NREP: variants seen among roughly 807,000 people sequenced by gnomAD.
The protein encoded by NREP is neuronal regeneration related protein, also known as neuronal regeneration-related protein.
A neutral mutation model predicts 8.6 loss-of-function variants in NREP; 5 were observed. The ratio of observed to expected loss-of-function variants is 0.58; its 90% CI spans 0.30 to 1.22. The LOEUF (loss-of-function observed/expected upper bound fraction) is 1.22, where lower values mean the gene tolerates loss of function less well. Ranked by LOEUF, NREP falls within the 50% of genes most tolerant of loss-of-function variation. NREP has a pLI of 0.07. For synonymous variants in NREP, 27 were observed against 28.0 expected, an observed-to-expected ratio of 0.96 and a Z score of 0.11; for missense variants, 86 against 82.5, an observed-to-expected ratio of 1.04 and a Z score of -0.17.
At chr5:111,911,490 T>C (rs919513855) in intron 2 of NREP, among the ~76,000 whole-genome samples, 14 of 152,012 alleles carry the variant, frequency 9.2e-5, no homozygotes, top group African/African-American at 3.4e-4. Flanking sequence ...AAGACAATAT[T>C]GAGTAAGCAC....
At chr5:111,884,781 G>A (rs866800248) in intron 2 of NREP, among the ~76,000 whole-genome samples, 3,893 of 152,086 alleles carry the variant, frequency 0.026, 66 homozygotes, top group African/African-American at 0.028. Flanking sequence ...ACAATGCTTC[G>A]TGCTAAAAAC....
At chr5:111,900,040 T>G (rs113798383) in intron 2 of NREP, among the ~76,000 whole-genome samples, 1,642 of 152,214 alleles carry the variant, frequency 0.011, 29 homozygotes, top group African/African-American at 0.036. Flanking sequence ...AGACCATATA[T>G]TAGGACACAA....
chr5:111,757,924 GC>G, upstream of NREP: 1 of 985,558 alleles, frequency 1.0e-6, no homozygotes, highest in Non-Finnish European at 1.2e-6. Flanking sequence ...AGGCGGCGCG[GC>G]CCGTACTGTA....
At chr5:111,947,383 T>A (rs1756018348) in intron 2 of NREP, among the ~76,000 whole-genome samples, 1 of 152,042 alleles carries the variant, frequency 6.6e-6, no homozygotes, top group Non-Finnish European at 1.5e-5. Flanking sequence ...ACATAATAAA[T>A]AATGGGTAAT....
intron 3 of NREP, chr5:111,734,084 G>C (rs1327074095): frequency 6.6e-6 from 1 of 152,218 alleles, no homozygotes; most frequent in Non-Finnish European, 1.5e-5. Context: ...CTTTGTGTGA[G>C]ACAAGACCTA....
intron 2 of NREP, among the ~76,000 whole-genome samples, chr5:111,743,312 C>T (rs937440007): frequency 6.6e-6 from 1 of 151,794 alleles, no homozygotes; most frequent in African/African-American, 2.4e-5. Context: ...AAAGGCCCCT[C>T]AGGCATTTAA....
chr5:111,869,084 G>A (rs1249535663), intron 2 of NREP, among the ~76,000 whole-genome samples: 1 of 152,152 alleles, frequency 6.6e-6, no homozygotes, highest in Non-Finnish European at 1.5e-5. Context: ...GAGCCACAAG[G>A]TGGGAATAAT....
intron 2 of NREP, among the ~76,000 whole-genome samples, chr5:111,767,360 T>C (rs1181186103): frequency 6.6e-6 from 1 of 152,164 alleles, no homozygotes; most frequent in East Asian, 1.9e-4. Context: ...GGCAGCTCTC[T>C]CAAGTGGCTT....
At chr5:111,833,115 G>T (rs552386643) in intron 2 of NREP, among the ~76,000 whole-genome samples, 6 of 152,118 alleles carry the variant, frequency 3.9e-5, no homozygotes, top group African/African-American at 1.2e-4. Flanking sequence ...TACCTTAAAG[G>T]TGTTCATAAA....
At chr5:111,841,666 A>ATATAATTCAACATATAATTCAACC (rs1252770990) in intron 2 of NREP, among the ~76,000 whole-genome samples, 2 of 151,982 alleles carry the variant, frequency 1.3e-5, no homozygotes, top group African/African-American at 2.4e-5. Flanking sequence ...CTTAGGGCAC[A>ATATAATTCAACATATAATTCAACC]CCCTTGAATT....
chr5:111,747,600 G>T (rs537822874), intron 2 of NREP, among the ~76,000 whole-genome samples: 4 of 152,216 alleles, frequency 2.6e-5, no homozygotes, highest in Admixed American at 2.6e-4. Flanking sequence ...ACCTATTGGT[G>T]AGTCTTTGGC....
intron 2 of NREP, among the ~76,000 whole-genome samples, chr5:111,968,592 A>G (rs1298697021): frequency 6.6e-6 from 1 of 152,186 alleles, no homozygotes; most frequent in Non-Finnish European, 1.5e-5. Flanking sequence ...TGATTTTGAA[A>G]GAGCTTCAGG....
chr5:111,777,006 G>GAGT (rs1751378245), intron 2 of NREP, among the ~76,000 whole-genome samples: 1 of 112,808 alleles, frequency 8.9e-6, no homozygotes, highest in African/African-American at 3.5e-5. Flanking sequence ...GGAGGAGGAG[G>GAGT]AAGGAGGTGG....
intron 1 of NREP, chr5:111,976,630 G>C (rs1169593599): frequency 1.6e-6 from 2 of 1,215,652 alleles, no homozygotes; most frequent in Non-Finnish European, 2.3e-6. Flanking sequence ...CAGTGAGGCA[G>C]AGACAAACAT....
chr5:111,882,905 G>T (rs1324412369), intron 2 of NREP, among the ~76,000 whole-genome samples: 1 of 152,244 alleles, frequency 6.6e-6, no homozygotes, highest in Non-Finnish European at 1.5e-5. Flanking sequence ...AGGCTAGGAA[G>T]AAACTGCATC....
At chr5:111,915,716 A>G (rs1755037906) in intron 2 of NREP, among the ~76,000 whole-genome samples, 1 of 152,090 alleles carries the variant, frequency 6.6e-6, no homozygotes, top group Non-Finnish European at 1.5e-5. Flanking sequence ...CATAAAACAA[A>G]TATTTGTGAA....
At chr5:111,926,197 G>A (rs1330161791) in intron 2 of NREP, among the ~76,000 whole-genome samples, 2 of 152,116 alleles carry the variant, frequency 1.3e-5, no homozygotes, top group Non-Finnish European at 2.9e-5. Context: ...TCATGCAGGG[G>A]TAAAAGCGAA....
chr5:111,819,725 T>C (rs1752473945), intron 2 of NREP, among the ~76,000 whole-genome samples: 1 of 152,338 alleles, frequency 6.6e-6, no homozygotes, highest in African/African-American at 2.4e-5. Flanking sequence ...TAATATACAT[T>C]GTTGATACAT....
At chr5:111,975,139 T>C (rs1756925933) in intron 2 of NREP, 1 of 650,420 alleles carries the variant, frequency 1.5e-6, no homozygotes, top group Non-Finnish European at 2.7e-6. Context: ...AAAGCCTGAA[T>C]TAATGGAAAG....
Sources: gnomAD v4.1 joint callset for allele counts (sites outside exome capture counted in the v4.1 genomes callset) on GRCh38, gnomAD v4.1.1 for gene constraint, MANE v1.5 for transcripts, NCBI Gene and HGNC (gene_info 2026-07-23, HGNC 2026-07-21) for gene names.